The following MMP25 variants were observed in gnomAD, a reference collection of about 807,000 sequenced individuals.
MMP25 encodes matrix metalloproteinase-25.
Under a neutral mutation model 62.1 loss-of-function variants are expected in MMP25, and 68 were observed. That is an observed-to-expected ratio of 1.10 (90% CI 0.90 to 1.34). The LOEUF is 1.34. Ranked by LOEUF, MMP25 falls within the 40% of genes most tolerant of loss-of-function variation. The pLI, the probability that MMP25 is intolerant of heterozygous loss-of-function variation, is 0.00. For missense variants in MMP25, 942 were observed against 792.5 expected (o/e 1.19, Z -2.26); for synonymous variants, 407 against 345.6 (o/e 1.18, Z -1.97).
At chr16:3,051,867 G>C (rs771305830) in intron 4 of MMP25, 8 of 152,140 alleles carry the variant, frequency 5.3e-5, no homozygotes, top group Non-Finnish European at 8.8e-5. Flanking sequence ...GCTTTCATCT[G>C]TAATCCTAGC....
intron 1 of MMP25, 95 bp downstream of exon 1, chr16:3,047,111 G>C (rs998220236): frequency 4.7e-6 from 6 of 1,285,174 alleles, no homozygotes; most frequent in Non-Finnish European, 6.1e-6. Flanking sequence ...GCAGGGGCCA[G>C]ATTCCAATAT....
intron 7 of MMP25, 129 bp from the exon 8 acceptor site, chr16:3,058,052 G>T: frequency 8.9e-7 from 1 of 1,124,364 alleles, no homozygotes; most frequent in Non-Finnish European, 1.3e-6. Context: ...GGCCAGGATG[G>T]GCTGGTCACC....
intron 4 of MMP25, among the ~76,000 whole-genome samples, chr16:3,055,183 G>C (rs913963185): frequency 1.3e-5 from 2 of 152,074 alleles, no homozygotes; most frequent in African/African-American, 4.8e-5. Flanking sequence ...AGGTGCCGGG[G>C]CCCCTGTGGA....
chr16:3,058,206 C>A lies in MMP25; in HGVS notation c.1032C>A (p.Pro344=). Residue 344 remains proline, a synonymous_variant, in exon 8 of 10, where the codon CCC becomes CCA. Coordinates refer to ENST00000336577, the MANE Select transcript of MMP25 (RefSeq NM_022468.5). ...GCCCCTGGTTCTGGCGCCTCCAGCC[C>A]TCCGGACAGCTGGTGTCCCCGCGAC... is the stretch of plus-strand genomic sequence containing the variant. ...FKGPWFWRLQ[P]SGQLVSPRPA... 2 of 1,612,962 alleles carry A rather than the reference C, an allele frequency of 1.2e-6. No homozygotes were observed. The highest frequency in any genetic ancestry group is 2.2e-5 in the East Asian group (1 of 44,764).
At chr16:3,049,038 C>A (rs963463379) in intron 2 of MMP25, among the ~76,000 whole-genome samples, 1 of 151,964 alleles carries the variant, frequency 6.6e-6, no homozygotes, top group African/African-American at 2.4e-5. Context: ...GAACTCTTAG[C>A]CTCAAGCGAT....
In MMP25 at chr16:3,059,147, C is replaced by T; in HGVS notation, c.*49C>T. 1 of 1,474,288 alleles carries T rather than the reference C, an allele frequency of 6.8e-7. No homozygotes were observed. Among genetic ancestry groups the T allele is most frequent in the Non-Finnish European group, 9.0e-7 (1 of 1,106,426 alleles). 91.3% of individuals were successfully genotyped at this position (1,474,288 alleles called of 1,614,324 possible). On this transcript the variant is annotated 3_prime_UTR_variant, in exon 10 of 10. Coordinates refer to ENST00000336577, the MANE Select transcript of MMP25 (RefSeq NM_022468.5). ...CAGCGCCCTCCACGGCCGAGTCCCC[C>T]GCCGCTGGACCTGGTCGGGGGTTGT... is the stretch of plus-strand genomic sequence containing the variant.
At chr16:3,055,242 G>A (rs1431788594) in intron 4 of MMP25, among the ~76,000 whole-genome samples, 2 of 152,084 alleles carry the variant, frequency 1.3e-5, no homozygotes, top group Non-Finnish European at 2.9e-5. Flanking sequence ...CTGTGGTTGT[G>A]TAACTTCCCC....
Position 3,058,682 on chromosome 16 carries a change from G to T in MMP25, c.1417+13G>T. On this transcript the variant is annotated intron_variant, in intron 9 of 9. Transcript: ENST00000336577. ...GTCAGCAACGCAGGTGGGGAGCGCG[G>T]TGACCTGCGGGTTACTGGGCCTGGG... is the stretch of plus-strand genomic sequence containing the variant. 3 of 1,588,308 alleles carry T rather than the reference G, an allele frequency of 1.9e-6. No individual in the cohort carries two copies. The highest frequency in any genetic ancestry group is 2.6e-6 in the Non-Finnish European group (3 of 1,166,090).
At chr16:3,049,434 G>A (rs946880923) in intron 2 of MMP25, among the ~76,000 whole-genome samples, 4 of 152,142 alleles carry the variant, frequency 2.6e-5, no homozygotes, top group Non-Finnish European at 5.9e-5. Flanking sequence ...ACTATTTGCC[G>A]CCTCAATAAA....
intron 2 of MMP25, among the ~76,000 whole-genome samples, chr16:3,049,131 T>C (rs1955862370): frequency 6.6e-6 from 1 of 151,782 alleles, no homozygotes; most frequent in African/African-American, 2.4e-5. Flanking sequence ...TTAAGCTTCC[T>C]CTGGGTCCTG....
In MMP25 at chr16:3,058,880, A is replaced by G. The variant is rs1172975271; in HGVS notation, c.1471A>G (p.Ile491Val). 6.4e-7 allele frequency: 1 copy of G among 1,557,432 alleles called. No individual in the cohort carries two copies. Among genetic ancestry groups the G allele is most frequent in the Non-Finnish European group, 8.7e-7 (1 of 1,150,630 alleles). The change falls in exon 10 of 10, where the codon ATC (isoleucine) becomes GTC (valine). Residue 491 changes from isoleucine to valine, a missense_variant. Transcript: ENST00000336577. ...AHYWRFPKNS[I>V]KTEPDAPQPM... ...CTACTGGCGCTTCCCCAAGAACAGCATCAAGACCGAGCCGGACGCCCCCCA... is the reference window on the plus strand; with the variant it reads ...CTACTGGCGCTTCCCCAAGAACAGCGTCAAGACCGAGCCGGACGCCCCCCA...
chr16:3,058,044 C>T, intron 7 of MMP25, 137 bp from the exon 8 acceptor site: 1 of 1,041,864 alleles, frequency 9.6e-7, no homozygotes, highest in Non-Finnish European at 1.4e-6. Context: ...CTCAGGCGGG[C>T]CAGGATGGGC....
chr16:3,049,280 C>T (rs1458335146), intron 2 of MMP25, among the ~76,000 whole-genome samples: 4 of 151,910 alleles, frequency 2.6e-5, no homozygotes, highest in Non-Finnish European at 4.4e-5. Flanking sequence ...GAGGCAGGGC[C>T]GAGGAACTCT....
intron 2 of MMP25, among the ~76,000 whole-genome samples, chr16:3,048,778 G>A (rs1955856755): frequency 6.6e-6 from 1 of 151,900 alleles, no homozygotes; most frequent in Non-Finnish European, 1.5e-5. Flanking sequence ...CAGAAGGGAA[G>A]CAATTCAGAA....
rs1463735500 is a variant in MMP25, at chr16:3,060,511, C to G, written c.*1413C>G. Reference sequence around the variant, plus strand: ...GGAGCTGAGGCTGTGGGCGGCTGTCCCAGCAACCATGCGAGGGGTTGCCCC... The same window carrying G: ...GGAGCTGAGGCTGTGGGCGGCTGTCGCAGCAACCATGCGAGGGGTTGCCCC... On this transcript the variant is annotated 3_prime_UTR_variant, in exon 10 of 10. Coordinates refer to ENST00000336577, the MANE Select transcript of MMP25 (RefSeq NM_022468.5). 2.0e-5 allele frequency: 3 copies of G among 152,084 alleles called. No homozygotes were observed. Among genetic ancestry groups the G allele is most frequent in the Non-Finnish European group, 4.4e-5 (3 of 68,010 alleles). 9.4% of individuals were successfully genotyped at this position (152,084 alleles called of 1,614,324 possible).
chr16:3,058,757 G>C (rs1306010923), intron 9 of MMP25, 70 bp from the exon 10 acceptor site: 2 of 1,484,790 alleles, frequency 1.3e-6, no homozygotes, highest in African/African-American at 2.8e-5. Flanking sequence ...ACCCTGCGGG[G>C]ATGGGGGTCC....
At chr16:3,055,664 T>C (rs1201747492) in intron 4 of MMP25, 1 of 352,996 alleles carries the variant, frequency 2.8e-6, no homozygotes, top group African/African-American at 2.1e-5. Context: ...CGAGTGGCTT[T>C]AGGGACCGAG....
chr16:3,058,424 G>A lies in MMP25; in HGVS notation c.1172G>A (p.Trp391Ter). ...CTCCACCCTGCAGGGCCCCAGTTCT[G>A]GGTGTTCCAGGACCGGCAGCTGGAG... is the stretch of plus-strand genomic sequence containing the variant. Reference protein sequence around the residue: ...RILLFSGPQFWVFQDRQLEGG... With the variant: ...RILLFSGPQF Residue 391 changes from tryptophan (W) to a stop codon, truncating the protein, a stop_gained, in exon 9 of 10, where the codon TGG becomes TAG. Coordinates refer to ENST00000336577, the MANE Select transcript of MMP25 (RefSeq NM_022468.5). LOFTEE classifies it high-confidence loss of function. The A allele has an allele frequency of 1.3e-6, 2 of 1,569,990 alleles. No homozygotes were observed. Among genetic ancestry groups the A allele is most frequent in the Non-Finnish European group, 1.7e-6 (2 of 1,158,056 alleles).
At position 3,057,347 on chromosome 16, in the gene MMP25, G is replaced by A. The variant is rs1596221288; in HGVS notation, c.876G>A (p.Arg292=). 6.2e-7 allele frequency: 1 copy of A among 1,613,860 alleles called. No homozygotes were observed. Among genetic ancestry groups the A allele is most frequent in the South Asian group, 1.1e-5 (1 of 91,010 alleles). Residue 292 remains arginine (R), a synonymous_variant, in exon 6 of 10, where the codon AGG becomes AGA. Coordinates refer to ENST00000336577, the MANE Select transcript of MMP25 (RefSeq NM_022468.5). ...APQTPYDKPT[R]KPLAPPPQPP... is the part of the protein sequence containing the mutation. ...AAACCCCATATGACAAGCCCACAAG[G>A]AAACCCCTGGCTCCTCCGCCCCAGC...
Sources: gnomAD v4.1 joint callset for allele counts (sites outside exome capture counted in the v4.1 genomes callset) on GRCh38, gnomAD v4.1.1 for gene constraint, MANE v1.5 for transcripts, NCBI Gene and HGNC (gene_info 2026-07-23, HGNC 2026-07-21) for gene names.